IFT140: variants seen among roughly 807,000 people sequenced by gnomAD.
IFT140 encodes intraflagellar transport protein 140 homolog.
In IFT140, 133 loss-of-function variants were observed where a neutral mutation model predicts 164.6. The ratio of observed to expected loss-of-function variants is 0.81; its 90% CI spans 0.70 to 0.93. The LOEUF (loss-of-function observed/expected upper bound fraction) is 0.93. Ranked by LOEUF, IFT140 falls within the 40% of genes least tolerant of loss-of-function variation. The probability of loss-of-function intolerance (pLI) is 0.00; values close to 1 mark genes in which losing one functional copy is unlikely to be tolerated. For synonymous variants in IFT140, 860 were observed against 817.3 expected (o/e 1.05, Z -0.89); for missense variants, 2,045 against 1,972.3 (o/e 1.04, Z -0.70).
chr16:1,566,326 C>T (rs1215228457), intron 15 of IFT140, 35 bp from the exon 16 acceptor site: 1 of 1,609,020 alleles, frequency 6.2e-7, no homozygotes, highest in African/African-American at 1.3e-5. Flanking sequence ...CTCACGGAGC[C>T]TGCCCAGACC....
At position 1,553,977 on chromosome 16, in the gene IFT140, C is replaced by G. The variant is rs973893964; in HGVS notation, c.2399+3958G>C. On this transcript the variant is annotated intron_variant, in intron 19 of 30. Transcript: ENST00000426508. This position sits in a 1 kb window ranked among gnomAD's most constrained non-coding sequence, Gnocchi z 4.4. ...ACTGTAGCATCAGCGACTAACTAGACGGGAACAAGCTGCGCCAACCAAGGG... is the reference window on the plus strand; with the variant it reads ...ACTGTAGCATCAGCGACTAACTAGAGGGGAACAAGCTGCGCCAACCAAGGG... The G allele has an allele frequency of 1.6e-6, 2 of 1,287,090 alleles. No homozygotes were observed. Among genetic ancestry groups the G allele is most frequent in the Non-Finnish European group, 2.0e-6 (2 of 988,688 alleles). 79.7% of individuals were successfully genotyped at this position (1,287,090 alleles called of 1,614,324 possible). A position where few individuals can be genotyped will look rare whatever the true frequency, so the allele number is the denominator to read the frequency against.
intron 10 of IFT140, 107 bp from the exon 11 acceptor site, chr16:1,584,527 A>G: frequency 2.3e-6 from 2 of 851,728 alleles, no homozygotes; most frequent in Non-Finnish European, 3.7e-6. Context: ...ACCATTTCCA[A>G]GTACCATTGT....
intron 13 of IFT140, among the ~76,000 whole-genome samples, 192 bp from the exon 14 acceptor site, chr16:1,571,726 G>C (rs956726467): frequency 3.3e-5 from 5 of 152,214 alleles, no homozygotes; most frequent in African/African-American, 1.2e-4. Flanking sequence ...CCAGCACTCT[G>C]CTGGACTCTA....
intron 13 of IFT140, among the ~76,000 whole-genome samples, chr16:1,574,454 A>AT (rs1479043970): frequency 1.3e-5 from 2 of 151,262 alleles, no homozygotes; most frequent in East Asian, 1.9e-4. Context: ...ATATTTTTGT[A>AT]TTTTTTTGCA....
chr16:1,568,205 G>A lies in IFT140; in HGVS notation c.1770+12C>T, dbSNP rs1224309684. 4.4e-6 allele frequency: 7 copies of A among 1,573,798 alleles called. No homozygotes were observed. In the East Asian group the frequency reaches 1.6e-4, roughly 36 times the overall value. ...GAGGCGGAGTGGGCGAGTGGACGAG[G>A]GGTGGCCTCACCTTGCTGGGGAGGA... On this transcript the variant is annotated intron_variant, in intron 15 of 30. Transcript: ENST00000426508.
intron 19 of IFT140, among the ~76,000 whole-genome samples, chr16:1,538,966 G>A (rs560387527): frequency 4.6e-5 from 7 of 152,244 alleles, no homozygotes; most frequent in Admixed American, 4.6e-4. Context: ...GGGCAAAAGC[G>A]CCCCCTACCT....
intron 19 of IFT140, chr16:1,555,724 T>A (rs1235607097): frequency 2.0e-5 from 3 of 152,214 alleles, no homozygotes; most frequent in Non-Finnish European, 4.4e-5. Flanking sequence ...ACACTTCTGT[T>A]CAACCAAGTC....
At chr16:1,563,771 A>T (rs1359087964) in intron 17 of IFT140, among the ~76,000 whole-genome samples, 1 of 152,106 alleles carries the variant, frequency 6.6e-6, no homozygotes, top group African/African-American at 2.4e-5. Context: ...CATGCTAGGA[A>T]GATTTTTTTT....
At chr16:1,608,134 G>A (rs971306332) in intron 2 of IFT140, among the ~76,000 whole-genome samples, 7 of 152,192 alleles carry the variant, frequency 4.6e-5, no homozygotes, top group African/African-American at 1.7e-4. Context: ...CAGCAGCTGT[G>A]AGAAGTTGAG....
chr16:1,525,853 G>C, intron 21 of IFT140, 34 bp downstream of exon 21: 1 of 1,490,366 alleles, frequency 6.7e-7, no homozygotes, highest in Middle Eastern at 2.4e-4. Flanking sequence ...GCCATCCAGA[G>C]AGGCAGGGAA....
At chr16:1,582,484 C>G (rs2141783736) in intron 12 of IFT140, among the ~76,000 whole-genome samples, 1 of 152,362 alleles carries the variant, frequency 6.6e-6, no homozygotes, top group Middle Eastern at 3.4e-3. Flanking sequence ...GATTTGGGAC[C>G]TCTGGCCTCC....
intron 19 of IFT140, among the ~76,000 whole-genome samples, chr16:1,549,620 T>C (rs1217314245): frequency 2.6e-5 from 4 of 152,008 alleles, no homozygotes; most frequent in Non-Finnish European, 4.4e-5. Flanking sequence ...TTAGTAGAGA[T>C]GGGGTTTCCC....
rs1300520550 is a variant in IFT140 at position 1,510,962 on chromosome 16, C to T, written c.4371G>A (p.Glu1457=). The T allele has an allele frequency of 1.2e-6, 2 of 1,612,120 alleles. No homozygotes were observed. Among genetic ancestry groups the T allele is most frequent in the Non-Finnish European group, 1.7e-6 (2 of 1,179,576 alleles). The change falls in exon 31 of 31, where the codon GAG becomes GAA. Residue 1457 remains glutamate, a synonymous_variant. Coordinates refer to ENST00000426508, the MANE Select transcript of IFT140 (RefSeq NM_014714.4). ...ARELDEEVVE[E]ADDDP The stretch of plus-strand genomic sequence containing the variant: ...AGGCCCCTCAGGGGTCGTCATCTGC[C>T]TCTTCCACCACCTCCTCGTCCAGCT...
intron 4 of IFT140, among the ~76,000 whole-genome samples, chr16:1,596,972 C>T (rs143684159): frequency 6.6e-6 from 1 of 152,150 alleles, no homozygotes. Context: ...AGGTGAGAAA[C>T]CAGCTCTCCT....
chr16:1,591,838 G>GAATA (rs1265656076), intron 6 of IFT140, among the ~76,000 whole-genome samples: 1 of 152,196 alleles, frequency 6.6e-6, no homozygotes, highest in Non-Finnish European at 1.5e-5. Context: ...TACACAGACT[G>GAATA]AATACCAGGG....
intron 30 of IFT140, among the ~76,000 whole-genome samples, chr16:1,512,657 C>G (rs775955344): frequency 6.6e-6 from 1 of 152,068 alleles, no homozygotes; most frequent in Non-Finnish European, 1.5e-5. Flanking sequence ...AAATAGAAAC[C>G]CCGTTGGAGC....
In IFT140 at chr16:1,525,327, C is replaced by A; in HGVS notation, c.2769-1G>T. 1 of 1,609,660 alleles carries A rather than the reference C, an allele frequency of 6.2e-7. No individual in the cohort carries two copies. Among genetic ancestry groups the A allele is most frequent in the Non-Finnish European group, 8.5e-7 (1 of 1,178,356 alleles). On this transcript the variant is annotated splice_acceptor_variant, in intron 21 of 30. Transcript: ENST00000426508. LOFTEE classifies it high-confidence loss of function. ...GCGGTGCGTGTCCGACTTCTCGTAGCTGTGAGAGAAGGAGACAGAGGTCCT... is the reference window on the plus strand; with the variant it reads ...GCGGTGCGTGTCCGACTTCTCGTAGATGTGAGAGAAGGAGACAGAGGTCCT...
chr16:1,566,384 A>G, intron 15 of IFT140, 93 bp from the exon 16 acceptor site: 8 of 1,240,572 alleles, frequency 6.4e-6, no homozygotes, highest in Non-Finnish European at 9.2e-6. Context: ...ACATGTCAAG[A>G]GAAACACACC....
Position 1,529,330 on chromosome 16 carries a change from C to T in IFT140, c.2400-2534G>A, listed in dbSNP as rs114478246. On this transcript the variant is annotated intron_variant, in intron 19 of 30. Transcript: ENST00000426508. ...TGGGGGTGCCAAGCGTCTGGGGGGC[C>T]GGGAAGTGAGCCTGCCTCCCTGCCA... Among the ~76,000 whole-genome samples the T allele has an allele frequency of 2.2e-3, 329 of 152,326 alleles. 2 individuals carry two copies. Among genetic ancestry groups the T allele is most frequent in the African/African-American group, 7.4e-3 (307 of 41,582 alleles).
Sources: allele counts gnomAD v4.1 joint callset (sites outside exome capture counted in the v4.1 genomes callset), GRCh38; gene constraint gnomAD v4.1.1; non-coding constraint Gnocchi (gnomAD v3.1); transcripts MANE v1.5; gene names NCBI Gene and HGNC (gene_info 2026-07-23, HGNC 2026-07-21).